The following ARB2A variants were observed in gnomAD, a reference collection of about 807,000 sequenced individuals.
ARB2A encodes the protein cotranscriptional regulator ARB2A.
At chr5:93,971,536 C>T in the ARB2A span, among the ~76,000 whole-genome samples, 2 of 150,514 alleles carry the variant, frequency 1.3e-5, no homozygotes, top group African/African-American at 4.9e-5. Context: ...CATTGCACTC[C>T]AGCCTGGGCA....
At chr5:93,862,962 C>G in the ARB2A span, 1 of 151,822 alleles carries the variant, frequency 6.6e-6, no homozygotes, top group African/African-American at 2.4e-5. Context: ...TTTAGAGAAA[C>G]TGCTTGTTTT....
the ARB2A span, among the ~76,000 whole-genome samples, chr5:93,802,740 G>A: frequency 6.6e-6 from 1 of 152,204 alleles, no homozygotes; most frequent in South Asian, 2.1e-4. Flanking sequence ...ATGATGTTTA[G>A]CAGTAGATAG....
At chr5:94,036,362 C>T in the ARB2A span, among the ~76,000 whole-genome samples, 1 of 152,164 alleles carries the variant, frequency 6.6e-6, no homozygotes, top group African/African-American at 2.4e-5. Context: ...TTTTACCTTT[C>T]CAGTTTTTTC....
At chr5:93,872,791 C>A in the ARB2A span, among the ~76,000 whole-genome samples, 1 of 152,076 alleles carries the variant, frequency 6.6e-6, no homozygotes, top group Non-Finnish European at 1.5e-5. Flanking sequence ...GTGGCAGGTG[C>A]CTGTAGTCCC....
At chr5:93,941,142 C>A in the ARB2A span, among the ~76,000 whole-genome samples, 16 of 152,116 alleles carry the variant, frequency 1.1e-4, no homozygotes, top group African/African-American at 3.9e-4. Flanking sequence ...TGGAGCAAGT[C>A]ACGGCTTCCC....
chr5:93,776,561 T>C, the ARB2A span, among the ~76,000 whole-genome samples: 1 of 152,110 alleles, frequency 6.6e-6, no homozygotes, highest in Non-Finnish European at 1.5e-5. Context: ...GCAGATCACT[T>C]GAGGTCAGGA....
the ARB2A span, among the ~76,000 whole-genome samples, chr5:94,026,878 A>C: frequency 6.6e-6 from 1 of 152,306 alleles, no homozygotes; most frequent in Middle Eastern, 3.4e-3. Flanking sequence ...CAGACTCTGA[A>C]AATGCAGGTC....
the ARB2A span, among the ~76,000 whole-genome samples, chr5:93,903,207 C>G: frequency 1.3e-5 from 2 of 151,938 alleles, no homozygotes; most frequent in Non-Finnish European, 2.9e-5. Context: ...ATTTTGTGAA[C>G]TAGTGCACAA....
the ARB2A span, among the ~76,000 whole-genome samples, chr5:93,910,402 G>A: frequency 2.3e-4 from 35 of 151,098 alleles, no homozygotes; most frequent in African/African-American, 8.5e-4. Context: ...TCCTTTTACA[G>A]TATGATTCTA....
At chr5:93,788,351 G>A in the ARB2A span, among the ~76,000 whole-genome samples, 25 of 152,228 alleles carry the variant, frequency 1.6e-4, no homozygotes, top group South Asian at 1.0e-3. Context: ...AGGGAGGTGC[G>A]GGAGGGCCGG....
At chr5:93,759,922 A>T in the ARB2A span, among the ~76,000 whole-genome samples, 1 of 152,218 alleles carries the variant, frequency 6.6e-6, no homozygotes, top group Non-Finnish European at 1.5e-5. Flanking sequence ...AAAGAAATAA[A>T]GGACATCCAA....
At chr5:93,910,172 A>G in the ARB2A span, among the ~76,000 whole-genome samples, 3 of 151,016 alleles carry the variant, frequency 2.0e-5, no homozygotes, top group African/African-American at 7.3e-5. Context: ...TTTGTAGTAG[A>G]CATACAGGGC....
chr5:94,030,326 G>C, the ARB2A span, among the ~76,000 whole-genome samples: 1 of 152,228 alleles, frequency 6.6e-6, no homozygotes, highest in Non-Finnish European at 1.5e-5. Flanking sequence ...CTCAAATCAG[G>C]AAGTTCTGGG....
the ARB2A span, among the ~76,000 whole-genome samples, chr5:93,723,672 C>A: frequency 1.3e-5 from 2 of 152,074 alleles, no homozygotes; most frequent in South Asian, 4.2e-4. Context: ...ATACAAGGAG[C>A]TAGTTATACC....
the ARB2A span, among the ~76,000 whole-genome samples, chr5:93,992,549 T>C: frequency 6.6e-6 from 1 of 152,174 alleles, no homozygotes; most frequent in East Asian, 1.9e-4. Flanking sequence ...AAATCTTTCT[T>C]ATGAGTAACA....
chr5:93,791,220 A>G, the ARB2A span, among the ~76,000 whole-genome samples: 1 of 152,240 alleles, frequency 6.6e-6, no homozygotes, highest in African/African-American at 2.4e-5. Context: ...TATAGATTCC[A>G]GTTTGCCCAG....
the ARB2A span, among the ~76,000 whole-genome samples, chr5:93,989,675 A>T: frequency 6.6e-6 from 1 of 152,180 alleles, no homozygotes; most frequent in Non-Finnish European, 1.5e-5. Flanking sequence ...TCATTTCCTG[A>T]CTACATAAAT....
the ARB2A span, among the ~76,000 whole-genome samples, chr5:93,640,572 GTA>G: frequency 6.4e-4 from 94 of 145,882 alleles, no homozygotes; most frequent in Middle Eastern, 3.6e-3. Flanking sequence ...GTGTGTGTGT[GTA>G]TGTGTGTGTG....
the ARB2A span, among the ~76,000 whole-genome samples, chr5:93,949,266 C>T: frequency 2.0e-5 from 3 of 151,844 alleles, no homozygotes; most frequent in Non-Finnish European, 2.9e-5. Flanking sequence ...CCACTTCTCC[C>T]GGCCCACACC....
Sources: allele counts gnomAD v4.1 joint callset (sites outside exome capture counted in the v4.1 genomes callset), GRCh38; gene constraint gnomAD v4.1.1; transcripts MANE v1.5; gene names NCBI Gene and HGNC (gene_info 2026-07-23, HGNC 2026-07-21).